Variants in NWD2 observed in about 807,000 individuals in gnomAD.
NWD2 encodes the protein NACHT and WD repeat domain-containing protein 2.
Under a neutral mutation model 132.7 loss-of-function variants are expected in NWD2, and 37 were observed. That is an observed-to-expected ratio of 0.28 (90% CI 0.21 to 0.37). The LOEUF (loss-of-function observed/expected upper bound fraction) is 0.37, where lower values mean the gene tolerates loss of function less well. NWD2 is among the 10% of genes least tolerant of loss of function. The pLI, the probability that NWD2 is intolerant of heterozygous loss-of-function variation, is 1.00. For synonymous variants in NWD2, 705 were observed against 803.0 expected, an observed-to-expected ratio of 0.88 and a Z score of 2.06; for missense variants, 1,592 against 2,122.4, an observed-to-expected ratio of 0.75 and a Z score of 4.91.
chr4:37,387,520 A>G (rs1287174050), intron 3 of NWD2, among the ~76,000 whole-genome samples: 1 of 151,552 alleles, frequency 6.6e-6, no homozygotes, highest in Non-Finnish European at 1.5e-5. Context: ...CCTCTCTTAA[A>G]TATATATGAG....
At chr4:37,421,693 A>G (rs529631702) in intron 3 of NWD2, among the ~76,000 whole-genome samples, 1 of 152,212 alleles carries the variant, frequency 6.6e-6, no homozygotes, top group African/African-American at 2.4e-5. Flanking sequence ...AAATTACCTA[A>G]TCTATGACTT....
At chr4:37,422,569 A>G (rs950834153) in intron 3 of NWD2, among the ~76,000 whole-genome samples, 1 of 152,036 alleles carries the variant, frequency 6.6e-6, no homozygotes, top group African/African-American at 2.4e-5. Flanking sequence ...ATTTGTTTCT[A>G]TTCTGTGTAT....
chr4:37,335,300 CGGGG>C (rs5857563), intron 2 of NWD2, among the ~76,000 whole-genome samples: 7 of 62,326 alleles, frequency 1.1e-4, no homozygotes, highest in Admixed American at 1.1e-3. Flanking sequence ...GGGGGGTGGG[CGGGG>C]GGGGGGGGCT....
intron 1 of NWD2, among the ~76,000 whole-genome samples, chr4:37,265,477 T>A (rs1717730183): frequency 6.6e-6 from 1 of 152,172 alleles, no homozygotes; most frequent in Non-Finnish European, 1.5e-5. Context: ...TCAGTTTCAC[T>A]GGTCTGAAGT....
chr4:37,408,125 CAGG>C (rs1721081468), intron 3 of NWD2, among the ~76,000 whole-genome samples: 1 of 152,194 alleles, frequency 6.6e-6, no homozygotes, highest in Non-Finnish European at 1.5e-5. Context: ...GAACTAGCTG[CAGG>C]AGTTCTTTTT....
intron 1 of NWD2, among the ~76,000 whole-genome samples, chr4:37,251,024 C>T (rs1380412498): frequency 6.6e-6 from 1 of 152,232 alleles, no homozygotes; most frequent in African/African-American, 2.4e-5. Flanking sequence ...CCTATAATCC[C>T]AGCACTTTGG....
intron 3 of NWD2, among the ~76,000 whole-genome samples, chr4:37,411,817 A>G (rs28778408): frequency 0.19 from 28,688 of 152,192 alleles, 2,784 homozygotes; most frequent in East Asian, 0.3. Flanking sequence ...CTGGGATGCA[A>G]GGCTGGTTCA....
chr4:37,393,034 G>C (rs1043353151), intron 3 of NWD2, among the ~76,000 whole-genome samples: 12 of 152,204 alleles, frequency 7.9e-5, no homozygotes, highest in African/African-American at 2.9e-4. Flanking sequence ...CAGCGCCTGG[G>C]AGCAGGCAGT....
intron 1 of NWD2, among the ~76,000 whole-genome samples, chr4:37,296,557 G>A (rs1441469791): frequency 2.0e-5 from 3 of 152,070 alleles, no homozygotes; most frequent in African/African-American, 7.2e-5. Context: ...GGATGGAGCT[G>A]GAGGCCAGTA....
At chr4:37,276,261 C>G (rs142293661) in intron 1 of NWD2, among the ~76,000 whole-genome samples, 2 of 151,918 alleles carry the variant, frequency 1.3e-5, no homozygotes, top group Non-Finnish European at 2.9e-5. Context: ...AAGAAAAAAA[C>G]AAACAACCCC....
intron 3 of NWD2, among the ~76,000 whole-genome samples, chr4:37,363,520 T>C (rs1560404659): frequency 6.6e-6 from 1 of 152,146 alleles, no homozygotes. Context: ...TTTTCCTAAG[T>C]GGATTAACTC....
intron 1 of NWD2, among the ~76,000 whole-genome samples, chr4:37,260,862 G>T (rs1356405861): frequency 1.3e-5 from 2 of 152,178 alleles, no homozygotes; most frequent in Non-Finnish European, 2.9e-5. Context: ...TTGTGTAATA[G>T]AATCCATTAT....
At chr4:37,408,593 G>A (rs1211093165) in intron 3 of NWD2, among the ~76,000 whole-genome samples, 1 of 152,192 alleles carries the variant, frequency 6.6e-6, no homozygotes, top group Non-Finnish European at 1.5e-5. Context: ...GCCTGGCTGT[G>A]GGCACAGCTT....
intron 3 of NWD2, among the ~76,000 whole-genome samples, chr4:37,400,598 T>C (rs1720879586): frequency 6.6e-6 from 1 of 152,242 alleles, no homozygotes; most frequent in African/African-American, 2.4e-5. Context: ...CTAATTTCCC[T>C]ATATGCCTGC....
At chr4:37,391,678 A>G (rs147634458) in intron 3 of NWD2, among the ~76,000 whole-genome samples, 125 of 152,228 alleles carry the variant, frequency 8.2e-4, no homozygotes, top group African/African-American at 2.6e-3. Context: ...TAGTGATACA[A>G]TGTCAGAGTC....
intron 1 of NWD2, among the ~76,000 whole-genome samples, chr4:37,271,801 C>A (rs540071078): frequency 1.3e-5 from 2 of 151,694 alleles, no homozygotes; most frequent in African/African-American, 2.4e-5. Context: ...TCAGTTCACC[C>A]GATAGATTCA....
At chr4:37,425,269 A>ACTGGTTAGGTTTGGTTTG (rs1711969549) in intron 3 of NWD2, among the ~76,000 whole-genome samples, 1 of 152,210 alleles carries the variant, frequency 6.6e-6, no homozygotes, top group South Asian at 2.1e-4. Context: ...ACCATTAGGA[A>ACTGGTTAGGTTTGGTTTG]GTGTTTATTA....
Position 37,445,927 on chromosome 4 carries a change from T to G in NWD2, c.3939T>G (p.Asp1313Glu). The G allele has an allele frequency of 6.4e-7, 1 of 1,551,742 alleles. No homozygotes were observed. The highest frequency in any genetic ancestry group is 8.7e-7 in the Non-Finnish European group (1 of 1,147,010). The change falls in exon 7 of 7, where the codon GAT (aspartate) becomes GAG (glutamate). Residue 1313 changes from aspartate to glutamate, a missense_variant. Coordinates refer to ENST00000309447, the MANE Select transcript of NWD2 (RefSeq NM_001144990.2). This position sits in a 1 kb window ranked among gnomAD's most constrained non-coding sequence, Gnocchi z 4.7. ...IDIITAMSNI[D>E]KTGKPIQSLL... The stretch of plus-strand genomic sequence containing the variant: ...TAATCACAGCTATGTCCAACATAGA[T>G]AAGACTGGAAAACCCATCCAAAGTC...
Position 37,244,911 on chromosome 4 carries a change from C to A in NWD2, c.-157C>A. ...CTCCTCGCCGGCGGGTGCTGTGCGC[C>A]ACGGAGCTCGCCAAAGGCGCTTCGG... On this transcript the variant is annotated 5_prime_UTR_variant, in exon 1 of 7. Coordinates refer to ENST00000309447, the MANE Select transcript of NWD2 (RefSeq NM_001144990.2). This position sits in a 1 kb window ranked among gnomAD's most constrained non-coding sequence, Gnocchi z 5.5. The A allele has an allele frequency of 2.2e-6, 2 of 921,830 alleles. No homozygotes were observed. Among genetic ancestry groups the A allele is most frequent in the Non-Finnish European group, 3.1e-6 (2 of 640,480 alleles). 57.1% of individuals were successfully genotyped at this position (921,830 alleles called of 1,614,324 possible).
Sources: gnomAD v4.1 joint callset for allele counts (sites outside exome capture counted in the v4.1 genomes callset) on GRCh38, gnomAD v4.1.1 for gene constraint, Gnocchi (gnomAD v3.1) non-coding constraint, MANE v1.5 for transcripts, NCBI Gene and HGNC (gene_info 2026-07-23, HGNC 2026-07-21) for gene names.